Variants in GRIN2B observed in about 807,000 individuals in gnomAD.
GRIN2B encodes glutamate ionotropic receptor NMDA type subunit 2B, also known as glutamate receptor ionotropic, NMDA 2B.
Under a neutral mutation model 114.5 loss-of-function variants are expected in GRIN2B, and 5 were observed. That is an observed-to-expected ratio of 0.04 (90% confidence interval 0.02 to 0.09). The LOEUF (loss-of-function observed/expected upper bound fraction) is 0.09, where lower values mean the gene tolerates loss of function less well. Ranked by LOEUF, GRIN2B falls within the 10% of genes least tolerant of loss-of-function variation. The probability of loss-of-function intolerance (pLI) is 1.00; values close to 1 mark genes in which losing one functional copy is unlikely to be tolerated. For missense variants in GRIN2B, 1,108 were observed against 1,943.5 expected, an observed-to-expected ratio of 0.57 and a Z score of 8.08; for synonymous variants, 787 against 745.1, an observed-to-expected ratio of 1.06 and a Z score of -0.92.
intron 5 of GRIN2B, among the ~76,000 whole-genome samples, chr12:13,658,347 T>C: frequency 6.6e-6 from 1 of 152,206 alleles, no homozygotes; most frequent in East Asian, 1.9e-4. Flanking sequence ...CATGCTCTTC[T>C]CTAATTAACT....
intron 4 of GRIN2B, among the ~76,000 whole-genome samples, chr12:13,683,174 A>G (rs554020003): frequency 2.6e-5 from 4 of 152,298 alleles, no homozygotes; most frequent in Non-Finnish European, 4.4e-5. Flanking sequence ...TCTCATTAGT[A>G]AGATATTCTC....
At chr12:13,884,609 A>G (rs1866123797) in intron 2 of GRIN2B, among the ~76,000 whole-genome samples, 2 of 152,102 alleles carry the variant, frequency 1.3e-5, no homozygotes, top group South Asian at 4.2e-4. Flanking sequence ...GTCCAATAAC[A>G]CTGGCTAGGA....
chr12:13,698,794 T>C (rs1034440426), intron 4 of GRIN2B, among the ~76,000 whole-genome samples: 11 of 152,272 alleles, frequency 7.2e-5, no homozygotes, highest in African/African-American at 2.6e-4. Context: ...GTAACTATCC[T>C]GCCTCAGGCT....
intron 4 of GRIN2B, among the ~76,000 whole-genome samples, chr12:13,697,051 A>C (rs972586990): frequency 1.3e-5 from 2 of 152,130 alleles, no homozygotes; most frequent in African/African-American, 4.8e-5. Context: ...CAAAGTGGGT[A>C]ATAAGTGCCT....
chr12:13,763,811 T>C (rs1442446475), intron 3 of GRIN2B, among the ~76,000 whole-genome samples: 1 of 152,222 alleles, frequency 6.6e-6, no homozygotes, highest in Admixed American at 6.5e-5. Context: ...ATACAAATTG[T>C]GTTCAGTGTT....
At chr12:13,646,896 T>C (rs1949765979) in intron 5 of GRIN2B, among the ~76,000 whole-genome samples, 1 of 152,080 alleles carries the variant, frequency 6.6e-6, no homozygotes, top group Non-Finnish European at 1.5e-5. Context: ...AAACAGCCAT[T>C]TGTCAACTAC....
intron 2 of GRIN2B, among the ~76,000 whole-genome samples, chr12:13,910,159 A>T (rs548522036): frequency 7.9e-5 from 12 of 152,266 alleles, no homozygotes; most frequent in South Asian, 4.1e-4. Context: ...CTCAGATCTT[A>T]TTACTATTAA....
At chr12:13,939,927 G>A (rs1015791145) in intron 2 of GRIN2B, among the ~76,000 whole-genome samples, 5 of 152,120 alleles carry the variant, frequency 3.3e-5, no homozygotes, top group African/African-American at 1.2e-4. Context: ...AAACTAGAAA[G>A]GGTTGAGTGT....
intron 2 of GRIN2B, among the ~76,000 whole-genome samples, chr12:13,869,700 T>A (rs1865877275): frequency 1.3e-5 from 2 of 152,222 alleles, no homozygotes; most frequent in African/African-American, 4.8e-5. Flanking sequence ...CCAAAGCCCT[T>A]GCTCTTTCCC....
At chr12:13,945,172 C>T (rs538477934) in intron 2 of GRIN2B, among the ~76,000 whole-genome samples, 34 of 152,228 alleles carry the variant, frequency 2.2e-4, no homozygotes, top group East Asian at 7.7e-4. Flanking sequence ...AGGCCAAAAA[C>T]GAAAAACACA....
At chr12:13,640,365 G>A (rs937213838) in intron 5 of GRIN2B, among the ~76,000 whole-genome samples, 6 of 152,132 alleles carry the variant, frequency 3.9e-5, no homozygotes, top group East Asian at 1.9e-4. Context: ...GAAGTAGGAC[G>A]TTCATAAGTG....
intron 5 of GRIN2B, among the ~76,000 whole-genome samples, chr12:13,665,100 G>A (rs1369544189): frequency 2.6e-5 from 4 of 151,986 alleles, no homozygotes; most frequent in Admixed American, 2.6e-4. Flanking sequence ...ACAGTTTGAG[G>A]AGATAGGTTC....
rs1591604323 is a variant in GRIN2B, at chr12:13,562,504, A to C, written c.*279T>G. On this transcript the variant is annotated 3_prime_UTR_variant, in exon 14 of 14. Transcript: ENST00000609686. ...ATGCAGCCCTTCCTTTCTCCGCTCTACCCTCCCCTGCTGAGAGGGCCCATG... is the reference window on the plus strand; with the variant it reads ...ATGCAGCCCTTCCTTTCTCCGCTCTCCCCTCCCCTGCTGAGAGGGCCCATG... 2.2e-6 allele frequency: 1 copy of C among 459,882 alleles called. No homozygotes were observed. Among genetic ancestry groups the C allele is most frequent in the Non-Finnish European group, 3.9e-6 (1 of 254,728 alleles). 28.5% of individuals were successfully genotyped at this position (459,882 alleles called of 1,614,324 possible).
At chr12:13,898,452 C>T (rs1866388325) in intron 2 of GRIN2B, among the ~76,000 whole-genome samples, 1 of 152,202 alleles carries the variant, frequency 6.6e-6, no homozygotes, top group Admixed American at 6.5e-5. Flanking sequence ...GATTCTCAGG[C>T]TAGTGCTTTT....
chr12:13,692,768 T>TC (rs1950225909), intron 4 of GRIN2B, among the ~76,000 whole-genome samples: 1 of 118,394 alleles, frequency 8.4e-6, no homozygotes, highest in Non-Finnish European at 1.8e-5. Flanking sequence ...TTCTTTTTTT[T>TC]TTTTTTTTTT....
intron 4 of GRIN2B, among the ~76,000 whole-genome samples, chr12:13,687,605 T>G (rs1282793001): frequency 6.6e-6 from 1 of 152,222 alleles, no homozygotes; most frequent in Non-Finnish European, 1.5e-5. Context: ...AAACTTAACA[T>G]GACCAAGTCC....
chr12:13,592,397 A>G (rs7953493), intron 10 of GRIN2B, among the ~76,000 whole-genome samples: 4,536 of 152,264 alleles, frequency 0.03, 247 homozygotes, highest in African/African-American at 0.1. Flanking sequence ...ATGACCCTAT[A>G]AAACTCCCCT....
chr12:13,954,607 C>G lies in GRIN2B; in HGVS notation c.-19+25321G>C, dbSNP rs569501184. On this transcript the variant is annotated intron_variant, in intron 2 of 13. Transcript: ENST00000609686. Reference sequence around the variant, plus strand: ...GGTGGATCACTTGAGGTCAGGAGTTCAAGGCTAGCCTGGCCAACATGGTGA... The same window carrying G: ...GGTGGATCACTTGAGGTCAGGAGTTGAAGGCTAGCCTGGCCAACATGGTGA... Among the ~76,000 whole-genome samples, 575 of 151,750 alleles carry G rather than the reference C, an allele frequency of 3.8e-3. 3 individuals are homozygous for G. The highest frequency in any genetic ancestry group is 0.013 in the African/African-American group (558 of 41,396).
chr12:13,928,920 G>C (rs1421110), intron 2 of GRIN2B, among the ~76,000 whole-genome samples: 8,884 of 152,004 alleles, frequency 0.058, 933 homozygotes, highest in East Asian at 0.41. Flanking sequence ...TGTTTACTGA[G>C]TTCTTAAGAG....
Sources: gnomAD v4.1 joint callset for allele counts (sites outside exome capture counted in the v4.1 genomes callset) on GRCh38, gnomAD v4.1.1 for gene constraint, MANE v1.5 for transcripts, NCBI Gene and HGNC (gene_info 2026-07-23, HGNC 2026-07-21) for gene names.